The following ZRANB3 variants were observed in gnomAD, a reference collection of about 807,000 sequenced individuals.
ZRANB3 encodes DNA annealing helicase and endonuclease ZRANB3.
In ZRANB3, 125 loss-of-function variants were observed where a neutral mutation model predicts 133.8. The ratio of observed to expected loss-of-function variants is 0.93; its 90% CI spans 0.81 to 1.08. The LOEUF (loss-of-function observed/expected upper bound fraction) is 1.08, where lower values mean the gene tolerates loss of function less well. Among genes scored for constraint, ZRANB3 ranks in the 50% least tolerant of loss-of-function variants. ZRANB3 has a pLI of 0.00. For synonymous variants in ZRANB3, 387 were observed against 432.7 expected, an observed-to-expected ratio of 0.89 and a Z score of 1.31; for missense variants, 1,229 against 1,275.5, an observed-to-expected ratio of 0.96 and a Z score of 0.56.
At chr2:135,338,547 A>C (rs763618275) in intron 6 of ZRANB3, among the ~76,000 whole-genome samples, 1 of 152,252 alleles carries the variant, frequency 6.6e-6, no homozygotes, top group African/African-American at 2.4e-5. Flanking sequence ...GACAATTTCA[A>C]GACATCCAGG....
chr2:135,455,171 CTTTTTTTTTTTTTTTTTT>C (rs1166170814), intron 2 of ZRANB3, among the ~76,000 whole-genome samples: 5 of 37,560 alleles, frequency 1.3e-4, no homozygotes, highest in African/African-American at 2.8e-4. Flanking sequence ...CCTTCTTATA[CTTTTTTTTTTTTTTTTTT>C]TTTTTTTTTT....
intron 2 of ZRANB3, among the ~76,000 whole-genome samples, chr2:135,428,010 T>C (rs1296220040): frequency 2.0e-5 from 3 of 152,170 alleles, no homozygotes; most frequent in Admixed American, 6.5e-5. Flanking sequence ...ATGTAGAAGA[T>C]TGAAACTGGA....
intron 12 of ZRANB3, among the ~76,000 whole-genome samples, chr2:135,238,035 TTTTG>T (rs1358184364): frequency 6.6e-6 from 1 of 152,252 alleles, no homozygotes; most frequent in Non-Finnish European, 1.5e-5. Flanking sequence ...ATGTTATTTC[TTTTG>T]TTTAAGAACA....
At chr2:135,292,400 A>G (rs1246487288) in intron 8 of ZRANB3, among the ~76,000 whole-genome samples, 1 of 152,168 alleles carries the variant, frequency 6.6e-6, no homozygotes, top group East Asian at 1.9e-4. Context: ...TCTTCTTTTG[A>G]GAAGTGTCTG....
At chr2:135,485,530 T>C (rs1227551096) in intron 2 of ZRANB3, among the ~76,000 whole-genome samples, 2 of 152,214 alleles carry the variant, frequency 1.3e-5, no homozygotes, top group African/African-American at 4.8e-5. Flanking sequence ...GCAGTCACCA[T>C]TTACAGTGTC....
At chr2:135,431,711 T>C (rs1479667106) in intron 2 of ZRANB3, among the ~76,000 whole-genome samples, 1 of 152,180 alleles carries the variant, frequency 6.6e-6, no homozygotes, top group Non-Finnish European at 1.5e-5. Context: ...AATGTTGTCA[T>C]CATCTTTAGT....
intron 2 of ZRANB3, among the ~76,000 whole-genome samples, chr2:135,407,384 A>G (rs975122482): frequency 3.3e-5 from 5 of 151,974 alleles, no homozygotes; most frequent in African/African-American, 1.2e-4. Flanking sequence ...TATCGTGAAA[A>G]TGGCCATACT....
At chr2:135,218,910 G>A (rs1209586188) in intron 16 of ZRANB3, among the ~76,000 whole-genome samples, 167 bp downstream of exon 16, 1 of 152,116 alleles carries the variant, frequency 6.6e-6, no homozygotes, top group Non-Finnish European at 1.5e-5. Context: ...TCTTAGCACT[G>A]GGTAATTAAT....
At chr2:135,312,716 A>G (rs1445024552) in intron 8 of ZRANB3, among the ~76,000 whole-genome samples, 1 of 152,180 alleles carries the variant, frequency 6.6e-6, no homozygotes, top group Non-Finnish European at 1.5e-5. Flanking sequence ...GGGAATACTA[A>G]TAATAAAGAT....
intron 8 of ZRANB3, among the ~76,000 whole-genome samples, chr2:135,305,698 C>T (rs1160420818): frequency 1.3e-5 from 2 of 152,116 alleles, no homozygotes. Flanking sequence ...CATGTGTTTT[C>T]ATGATGGTAG....
chr2:135,280,980 T>C (rs141016108), intron 8 of ZRANB3, among the ~76,000 whole-genome samples: 15 of 152,320 alleles, frequency 9.8e-5, no homozygotes, highest in Non-Finnish European at 1.9e-4. Context: ...AGTTCCTTAT[T>C]CCGTACCTTT....
chr2:135,395,684 C>T (rs1221317979), intron 2 of ZRANB3, among the ~76,000 whole-genome samples: 1 of 152,030 alleles, frequency 6.6e-6, no homozygotes, highest in African/African-American at 2.4e-5. Flanking sequence ...TCTCAAACAC[C>T]TGACCTCAAA....
chr2:135,238,084 T>G (rs1455066273), intron 12 of ZRANB3, among the ~76,000 whole-genome samples: 1 of 152,234 alleles, frequency 6.6e-6, no homozygotes, highest in East Asian at 1.9e-4. Flanking sequence ...CTTTTCAATG[T>G]GTGAATCTCA....
chr2:135,268,988 G>A lies in ZRANB3; in HGVS notation c.1360C>T (p.Leu454Phe), dbSNP rs1207659237. The A allele has an allele frequency of 1.2e-6, 2 of 1,605,988 alleles. No homozygotes were observed. Among genetic ancestry groups the A allele is most frequent in the African/African-American group, 1.3e-5 (1 of 74,474 alleles). The change falls in exon 11 of 21, where the codon CTT becomes TTT. Residue 454 changes from leucine to phenylalanine, a missense_variant. Transcript: ENST00000264159. Reference protein sequence around the residue: ...YLIANGTLDTLMWGMLNRKAQ... With the variant: ...YLIANGTLDTFMWGMLNRKAQ... ...TTGCGATTCAACATTCCCCACATAA[G>A]GGTGTCTAGGGTTCCATTTGCAATA...
rs200752512 is a variant in ZRANB3 at position 135,310,961 on chromosome 2, CA to C, written c.966+2527del. 4.2e-3 allele frequency among the ~76,000 whole-genome samples: 482 copies of C among 114,708 alleles called. 1 individual carries two copies. Among genetic ancestry groups the C allele is most frequent in the African/African-American group, 0.011 (353 of 32,758 alleles). The allele number at this position is 114,708 out of a possible 152,430, so 75.3% of individuals were successfully genotyped here. On this transcript the variant is annotated intron_variant, in intron 8 of 20. Transcript: ENST00000264159. ...CAAAAATTTCTTAGGACTCAAAATA[CA>C]AAAAAAAAAAGGAAGAAAAAAATTG...
At chr2:135,211,892 A>C (rs1450854687) in intron 17 of ZRANB3, among the ~76,000 whole-genome samples, 1 of 152,200 alleles carries the variant, frequency 6.6e-6, no homozygotes, top group Non-Finnish European at 1.5e-5. Context: ...CAGAAGTAGA[A>C]TTCCTTGGTC....
chr2:135,374,237 CT>C (rs1315421948), intron 3 of ZRANB3, among the ~76,000 whole-genome samples: 2 of 152,072 alleles, frequency 1.3e-5, no homozygotes, highest in Non-Finnish European at 2.9e-5. Flanking sequence ...GAAATCCCGT[CT>C]TTACTAAAAA....
At chr2:135,373,782 AAAAAG>A (rs1207807348) in intron 3 of ZRANB3, among the ~76,000 whole-genome samples, 1 of 89,328 alleles carries the variant, frequency 1.1e-5, no homozygotes. Context: ...TCTTGTCAAA[AAAAAG>A]AAAAGAAAAG....
rs192727223 is a variant in ZRANB3, at chr2:135,295,984, G to A, written c.966+17505C>T. 2.0e-3 allele frequency among the ~76,000 whole-genome samples: 303 copies of A among 152,232 alleles called. 1 individual carries two copies. The highest frequency in any genetic ancestry group is 2.2e-3 in the Non-Finnish European group (151 of 68,022). On this transcript the variant is annotated intron_variant, in intron 8 of 20. Coordinates refer to ENST00000264159, the MANE Select transcript of ZRANB3 (RefSeq NM_032143.4). ...ATGGGCTTCCCTTTGTGAGTAACCC[G>A]ACCTTTCTCTCTGGCTGCCCTTAAC...
Sources: gnomAD v4.1 joint callset for allele counts (sites outside exome capture counted in the v4.1 genomes callset) on GRCh38, gnomAD v4.1.1 for gene constraint, MANE v1.5 for transcripts, NCBI Gene and HGNC (gene_info 2026-07-23, HGNC 2026-07-21) for gene names.